The following AREG variants were observed in gnomAD, a reference collection of about 807,000 sequenced individuals.
AREG encodes amphiregulin, also known as amphiregulin B.
AREG carries 16 observed loss-of-function variants against 28.0 expected under a neutral mutation model. That is an observed-to-expected ratio of 0.57 (90% CI 0.39 to 0.87). AREG has a LOEUF of 0.87. Among genes scored for constraint, AREG ranks in the 40% least tolerant of loss-of-function variants. AREG has a pLI of 0.00. For missense variants in AREG, 287 were observed against 309.1 expected (o/e 0.93, Z 0.53); for synonymous variants, 113 against 113.5 (o/e 1.00, Z 0.02).
At chr4:74,449,985 C>T (rs554719354) in intron 3 of AREG, among the ~76,000 whole-genome samples, 1 of 149,656 alleles carries the variant, frequency 6.7e-6, no homozygotes, top group Admixed American at 6.7e-5. Flanking sequence ...TTAAAAACTC[C>T]TTTAAAAAAG....
intron 1 of AREG, 106 bp downstream of exon 1, chr4:74,445,512 C>T: frequency 6.5e-7 from 1 of 1,536,854 alleles, no homozygotes; most frequent in Non-Finnish European, 8.8e-7. Flanking sequence ...GTTCCCCCGA[C>T]CCTGCGCCGC....
intron 2 of AREG, among the ~76,000 whole-genome samples, chr4:74,447,840 A>AGT (rs1719318094): frequency 6.6e-6 from 1 of 152,118 alleles, no homozygotes; most frequent in Admixed American, 6.5e-5. Context: ...TCCTTCTCAA[A>AGT]GTGTGCTTTT....
At chr4:74,453,249 C>A (rs1379981955) in intron 5 of AREG, among the ~76,000 whole-genome samples, 1 of 152,198 alleles carries the variant, frequency 6.6e-6, no homozygotes, top group South Asian at 2.1e-4. Flanking sequence ...GCCACAGTTG[C>A]GGGTGCTTGC....
chr4:74,452,755 A>T (rs1719400178), intron 5 of AREG, 100 bp downstream of exon 5: 1 of 1,024,434 alleles, frequency 9.8e-7, no homozygotes, highest in African/African-American at 1.6e-5. Flanking sequence ...TCTTAATTAT[A>T]TATACACTAT....
chr4:74,452,106 A>C (rs1719390437), intron 4 of AREG, among the ~76,000 whole-genome samples: 1 of 152,192 alleles, frequency 6.6e-6, no homozygotes, highest in African/African-American at 2.4e-5. Flanking sequence ...AACTAGAAGG[A>C]TATATTTTAT....
At position 74,450,543 on chromosome 4, in the gene AREG, C is replaced by T. The variant is rs1375472895; in HGVS notation, c.665+11C>T. On this transcript the variant is annotated intron_variant, in intron 4 of 5. Transcript: ENST00000395748. The stretch of plus-strand genomic sequence containing the variant: ...TGTTATTACAGTCCAGTAAGTATGA[C>T]ATAACTTACAAATTCTTAATAAAAT... The T allele has an allele frequency of 1.2e-6, 2 of 1,612,780 alleles. No individual in the cohort carries two copies. Among genetic ancestry groups the T allele is most frequent in the African/African-American group, 1.3e-5 (1 of 74,992 alleles).
chr4:74,451,144 G>T (rs1362034485), intron 4 of AREG, among the ~76,000 whole-genome samples: 1 of 152,134 alleles, frequency 6.6e-6, no homozygotes, highest in Non-Finnish European at 1.5e-5. Flanking sequence ...TAGCAAGCAA[G>T]GACAATTCTA....
At chr4:74,449,949 T>C (rs1719355232) in intron 3 of AREG, among the ~76,000 whole-genome samples, 1 of 151,912 alleles carries the variant, frequency 6.6e-6, no homozygotes, top group Non-Finnish European at 1.5e-5. Flanking sequence ...TCTATATATA[T>C]ATGTATGTGT....
Position 74,454,968 on chromosome 4 carries a change from G to A in AREG, c.*228G>A. ...AATTTATTTAATATTTAATGGAAGT[G>A]TATTTATTTTACAGCTCATTAAACT... On this transcript the variant is annotated 3_prime_UTR_variant, in exon 6 of 6. Transcript: ENST00000395748. 1.6e-6 allele frequency: 1 copy of A among 612,538 alleles called. No homozygotes were observed. Among genetic ancestry groups the A allele is most frequent in the Admixed American group, 2.7e-5 (1 of 36,478 alleles). 37.9% of individuals were successfully genotyped at this position (612,538 alleles called of 1,614,324 possible). A position where few individuals can be genotyped will look rare whatever the true frequency, so the allele number is the denominator to read the frequency against.
chr4:74,446,546 C>T lies in AREG; in HGVS notation c.74C>T (p.Ala25Val), dbSNP rs1331456468. 1.2e-5 allele frequency: 20 copies of T among 1,613,878 alleles called. No individual in the cohort carries two copies. The highest frequency in any genetic ancestry group is 1.6e-5 in the Non-Finnish European group (19 of 1,179,878). The change falls in exon 2 of 6, where the codon GCT becomes GTT. Residue 25 changes from alanine to valine, a missense_variant. Physicochemically the swap from Ala to Val is moderately conservative, Grantham distance 64. Transcript: ENST00000395748. Reference protein sequence around the residue: ...LLILGSGHYAAGLDLNDTYSG... With the variant: ...LLILGSGHYAVGLDLNDTYSG... ...CCCTCCCCTGCAGGCCATTATGCTG[C>T]TGGATTGGACCTCAATGACACCTAC... is the stretch of plus-strand genomic sequence containing the variant.
rs1363918386 is a variant in AREG at position 74,450,478 on chromosome 4, T to C, written c.611T>C (p.Ile204Thr). The C allele has an allele frequency of 1.2e-6, 2 of 1,613,964 alleles. No individual in the cohort carries two copies. The highest frequency in any genetic ancestry group is 1.3e-5 in the African/African-American group (1 of 75,058). ...TTATCAAAAATTGCATTAGCAGCCA[T>C]AGCTGCCTTTATGTCTGCTGTGATC... is the stretch of plus-strand genomic sequence containing the variant. ...SSLSKIALAA[I>T]AAFMSAVILT... The change falls in exon 4 of 6, where the codon ATA becomes ACA. Residue 204 changes from isoleucine (I) to threonine (T), a missense_variant. Transcript: ENST00000395748.
chr4:74,451,395 T>C (rs1173440638), intron 4 of AREG, among the ~76,000 whole-genome samples: 1 of 152,244 alleles, frequency 6.6e-6, no homozygotes, highest in Non-Finnish European at 1.5e-5. Context: ...CTCATTCTTC[T>C]AATTTTAGGT....
Position 74,449,177 on chromosome 4 carries a change from T to C in AREG, c.441T>C (p.Asn147=). The change falls in exon 3 of 6, where the codon AAT becomes AAC. Residue 147 remains asparagine (N), a synonymous_variant. Transcript: ENST00000395748. ...RRNRKKKNPC[N]AEFQNFCIHG... is the part of the protein sequence containing the mutation. ...ACAGAAAGAAGAAAAATCCATGTAA[T>C]GCAGAATTTCAAAATTTCTGCATTC... is the stretch of plus-strand genomic sequence containing the variant. 1.2e-6 allele frequency: 2 copies of C among 1,613,102 alleles called. No individual in the cohort carries two copies. The highest frequency in any genetic ancestry group is 1.7e-6 in the Non-Finnish European group (2 of 1,179,730).
intron 5 of AREG, among the ~76,000 whole-genome samples, chr4:74,453,208 G>A (rs1448792974): frequency 6.6e-6 from 1 of 152,320 alleles, no homozygotes; most frequent in African/African-American, 2.4e-5. Flanking sequence ...AGATACAGTT[G>A]TGATGATAGG....
rs1335022276 is a variant in AREG at position 74,452,606 on chromosome 4, A to G, written c.728A>G (p.Gln243Arg). 39 of 1,613,604 alleles carry G rather than the reference A, an allele frequency of 2.4e-5. No homozygotes were observed. Among genetic ancestry groups the G allele is most frequent in the Admixed American group, 8.3e-5 (5 of 59,978 alleles). The stretch of plus-strand genomic sequence containing the variant: ...GCTGAGGAACGAAAGAAACTTCGAC[A>G]AGAGAATGGAAATGTACATGCTATA... ...GEAEERKKLR[Q>R]ENGNVHAIA Residue 243 changes from glutamine (Q) to arginine (R), a missense_variant, in exon 5 of 6, where the codon CAA (glutamine) becomes CGA (arginine). Gln to Arg is a conservative substitution (Grantham distance 43). Transcript: ENST00000395748.
chr4:74,453,310 T>C (rs937076910), intron 5 of AREG, among the ~76,000 whole-genome samples: 2 of 152,144 alleles, frequency 1.3e-5, no homozygotes, highest in Non-Finnish European at 2.9e-5. Flanking sequence ...TGCTCTTTTT[T>C]TACAAAAGGA....
At chr4:74,452,775 C>G (rs1719400687) in intron 5 of AREG, 120 bp downstream of exon 5, 6 of 846,052 alleles carry the variant, frequency 7.1e-6, no homozygotes, top group Non-Finnish European at 1.1e-5. Flanking sequence ...TGAACAATGG[C>G]TATGTTAAAG....
At chr4:74,450,015 C>G (rs965100674) in intron 3 of AREG, among the ~76,000 whole-genome samples, 1 of 150,926 alleles carries the variant, frequency 6.6e-6, no homozygotes, top group African/African-American at 2.4e-5. Flanking sequence ...GTAATTTTTG[C>G]ATAATCTTTC....
intron 5 of AREG, among the ~76,000 whole-genome samples, chr4:74,453,077 T>C (rs1342978831): frequency 3.9e-5 from 6 of 152,178 alleles, no homozygotes; most frequent in African/African-American, 1.4e-4. Context: ...AAGTGAACGT[T>C]GAAGGACTAG....
Sources: gnomAD v4.1 joint callset for allele counts (sites outside exome capture counted in the v4.1 genomes callset) on GRCh38, gnomAD v4.1.1 for gene constraint, MANE v1.5 for transcripts, NCBI Gene and HGNC (gene_info 2026-07-23, HGNC 2026-07-21) for gene names.